Variants in HEATR4 observed in about 807,000 individuals in gnomAD.
HEATR4 encodes the protein HEAT repeat containing 4, also known as HEAT repeat-containing protein 4.
HEATR4 carries 95 observed loss-of-function variants against 108.8 expected under a neutral mutation model. The observed-to-expected ratio is 0.87, with a 90% CI of 0.74 to 1.04. The LOEUF is 1.04. Ranked by LOEUF, HEATR4 falls within the 50% of genes least tolerant of loss-of-function variation. HEATR4 has a pLI of 0.00. For missense variants in HEATR4, 1,152 were observed against 1,253.8 expected, an observed-to-expected ratio of 0.92 and a Z score of 1.23; for synonymous variants, 443 against 459.4, an observed-to-expected ratio of 0.96 and a Z score of 0.46.
chr14:73,525,941 A>C (rs1888304649), intron 2 of HEATR4, among the ~76,000 whole-genome samples: 1 of 121,254 alleles, frequency 8.2e-6, no homozygotes, highest in East Asian at 2.7e-4. Flanking sequence ...TGACAGAGTG[A>C]GACTCCTTAT....
the HEATR4 span, among the ~76,000 whole-genome samples, chr14:73,590,632 G>A: frequency 6.6e-6 from 1 of 152,198 alleles, no homozygotes; most frequent in African/African-American, 2.4e-5. Flanking sequence ...CCGCGGGGAG[G>A]CAGCTAAGGC....
chr14:73,616,776 C>G, the HEATR4 span: 6 of 442,352 alleles, frequency 1.4e-5, no homozygotes, highest in African/African-American at 1.2e-4. Flanking sequence ...GTGATGAACG[C>G]TGAGATTTTA....
chr14:73,619,770 G>A, the HEATR4 span: 21 of 1,610,258 alleles, frequency 1.3e-5, no homozygotes, highest in African/African-American at 2.7e-5. Context: ...TAGATGCCTG[G>A]CAGCAAATTC....
rs1418504624 is a variant in HEATR4 at position 73,545,522 on chromosome 14, G to A, written c.-152+13229C>T. On this transcript the variant is annotated intron_variant, in intron 1 of 17. Coordinates refer to ENST00000553558, the MANE Select transcript of HEATR4 (RefSeq NM_001220484.1). The stretch of plus-strand genomic sequence containing the variant: ...TCTCCAAACTTCCACAAGAATGCCA[G>A]TGCTGGGCATGGAGCCCCATTTAGA... 2.7e-5 allele frequency among the ~76,000 whole-genome samples: 2 copies of A among 72,880 alleles called. 1 individual carries two copies. Among genetic ancestry groups the A allele is most frequent in the Non-Finnish European group, 5.8e-5 (2 of 34,516 alleles). The allele number at this position is 72,880 out of a possible 152,430, so 47.8% of individuals were successfully genotyped here.
At chr14:73,479,008 G>T (rs907652337) in intron 17 of HEATR4, among the ~76,000 whole-genome samples, 166 bp from the exon 18 acceptor site, 5 of 151,824 alleles carry the variant, frequency 3.3e-5, no homozygotes, top group African/African-American at 1.2e-4. Context: ...GCGCAATCTC[G>T]GCTTACTGCA....
intron 1 of HEATR4, among the ~76,000 whole-genome samples, chr14:73,547,508 G>T (rs1889251746): frequency 8.7e-6 from 1 of 115,020 alleles, no homozygotes. Context: ...ACTGCACCTG[G>T]CCATCATGAA....
At chr14:73,545,350 G>A (rs1474990425) in intron 1 of HEATR4, among the ~76,000 whole-genome samples, 2 of 106,124 alleles carry the variant, frequency 1.9e-5, no homozygotes, top group African/African-American at 3.0e-5. Context: ...GTGAGCCACC[G>A]CTGCCAGCTT....
intron 11 of HEATR4, among the ~76,000 whole-genome samples, chr14:73,501,264 G>A (rs1035908411): frequency 6.6e-6 from 1 of 151,262 alleles, no homozygotes; most frequent in Non-Finnish European, 1.5e-5. Flanking sequence ...GACTATAGGC[G>A]CCCACCACCA....
chr14:73,487,246 G>C (rs1303289850), intron 17 of HEATR4, among the ~76,000 whole-genome samples: 1 of 146,668 alleles, frequency 6.8e-6, no homozygotes, highest in African/African-American at 2.5e-5. Flanking sequence ...AGATGAATTA[G>C]GGAAAGTAAA....
intron 17 of HEATR4, among the ~76,000 whole-genome samples, chr14:73,481,503 T>A (rs1885254744): frequency 1.3e-5 from 2 of 152,134 alleles, no homozygotes; most frequent in South Asian, 4.2e-4. Flanking sequence ...ACATACTGTA[T>A]AATTCCAATT....
the HEATR4 span, among the ~76,000 whole-genome samples, chr14:73,594,614 A>G: frequency 6.6e-6 from 1 of 152,250 alleles, no homozygotes; most frequent in South Asian, 2.1e-4. Context: ...GATGATTCCC[A>G]GATTAAAGCT....
At chr14:73,585,144 A>C in the HEATR4 span, among the ~76,000 whole-genome samples, 4 of 152,104 alleles carry the variant, frequency 2.6e-5, no homozygotes, top group South Asian at 2.1e-4. Flanking sequence ...TCTTACACCC[A>C]TGCACACACT....
chr14:73,597,036 G>A, the HEATR4 span, among the ~76,000 whole-genome samples: 30 of 151,910 alleles, frequency 2.0e-4, no homozygotes, highest in East Asian at 5.8e-4. Flanking sequence ...GAAAAACTAC[G>A]CTTATCACAG....
rs1415590242 is a variant in HEATR4 at position 73,492,759 on chromosome 14, A to T, written c.2844+307T>A. 1 of 1,613,936 alleles carries T rather than the reference A, an allele frequency of 6.2e-7. No individual in the cohort carries two copies. The highest frequency in any genetic ancestry group is 8.5e-7 in the Non-Finnish European group (1 of 1,179,882). On this transcript the variant is annotated intron_variant, in intron 17 of 17. Transcript: ENST00000553558. This position sits in a 1 kb window ranked among gnomAD's most constrained non-coding sequence, Gnocchi z 4.9. ...AACTCCCGTGTGTATCATCTGGAAG[A>T]ACCCAAGTGCTTGGAAATATACCCC... is the stretch of plus-strand genomic sequence containing the variant.
In HEATR4 at chr14:73,492,978, A is replaced by G; in HGVS notation, c.2844+88T>C. On this transcript the variant is annotated intron_variant, in intron 17 of 17. Coordinates refer to ENST00000553558, the MANE Select transcript of HEATR4 (RefSeq NM_001220484.1). This position sits in a 1 kb window ranked among gnomAD's most constrained non-coding sequence, Gnocchi z 4.9. ...GATTGCTGGAAACAAGGCAGTAGTG[A>G]TTCTCCGCTGCCACTGCTACCTTTT... 6.4e-7 allele frequency: 1 copy of G among 1,557,478 alleles called. No homozygotes were observed. Among genetic ancestry groups the G allele is most frequent in the Non-Finnish European group, 8.8e-7 (1 of 1,142,192 alleles).
At chr14:73,509,068 T>C (rs1887034683) in intron 8 of HEATR4, among the ~76,000 whole-genome samples, 2 of 152,164 alleles carry the variant, frequency 1.3e-5, no homozygotes, top group African/African-American at 2.4e-5. Context: ...GGTCTTGTTA[T>C]GTTGCCCAGG....
chr14:73,499,167 G>T (rs1355975771), intron 12 of HEATR4, 27 bp from the exon 13 acceptor site: 1 of 1,599,220 alleles, frequency 6.3e-7, no homozygotes, highest in Admixed American at 1.7e-5. Context: ...AGTGTTGAGT[G>T]GGGAGGACCA....
chr14:73,615,068 G>A, the HEATR4 span, among the ~76,000 whole-genome samples: 386 of 128,328 alleles, frequency 3.0e-3, 3 homozygotes, highest in African/African-American at 0.01. Flanking sequence ...CAGCCTGGAG[G>A]ACAGAGCAAG....
At chr14:73,604,610 C>A in the HEATR4 span, among the ~76,000 whole-genome samples, 4 of 152,070 alleles carry the variant, frequency 2.6e-5, no homozygotes, top group African/African-American at 9.7e-5. Flanking sequence ...CTCAACCTCC[C>A]AAGTAGCTGG....
Sources: gnomAD v4.1 joint callset for allele counts (sites outside exome capture counted in the v4.1 genomes callset) on GRCh38, gnomAD v4.1.1 for gene constraint, Gnocchi (gnomAD v3.1) non-coding constraint, MANE v1.5 for transcripts, NCBI Gene and HGNC (gene_info 2026-07-23, HGNC 2026-07-21) for gene names.